Variants in PROS1 observed in about 807,000 individuals in gnomAD.
PROS1 encodes protein S.
In PROS1, 29 loss-of-function variants were observed where a neutral mutation model predicts 75.9. That is an observed-to-expected ratio of 0.38 (90% confidence interval 0.28 to 0.52). The LOEUF (loss-of-function observed/expected upper bound fraction) is 0.52. Ranked by LOEUF, PROS1 falls within the 20% of genes least tolerant of loss-of-function variation. The pLI, the probability that PROS1 is intolerant of heterozygous loss-of-function variation, is 0.83. For synonymous variants in PROS1, 245 were observed against 280.6 expected (o/e 0.87, Z 1.27); for missense variants, 680 against 810.3 (o/e 0.84, Z 1.95).
At chr3:93,956,550 ACACACACACACAAAC>A (rs1709604856) in intron 1 of PROS1, among the ~76,000 whole-genome samples, 3 of 79,630 alleles carry the variant, frequency 3.8e-5, no homozygotes, top group African/African-American at 1.1e-4. Flanking sequence ...ACACACACAC[ACACACACACACAAAC>A]ACACACACAC....
In PROS1 at chr3:93,941,286, T is replaced by A. The variant is rs1216257103; in HGVS notation, c.77-13879A>T. Among the ~76,000 whole-genome samples the A allele has an allele frequency of 2.0e-5, 3 of 152,300 alleles. No homozygotes were observed. In the East Asian group the frequency reaches 5.8e-4, roughly 29 times the overall value. Reference sequence around the variant, plus strand: ...CTGCTCCTTCAACATTTATTCTCCATGGGATATCAAGTATCTCCTTCCAAA... The same window carrying A: ...CTGCTCCTTCAACATTTATTCTCCAAGGGATATCAAGTATCTCCTTCCAAA... On this transcript the variant is annotated intron_variant, in intron 1 of 14. Transcript: ENST00000394236.
In PROS1 at chr3:93,873,209, A is replaced by G. The variant is rs1708132650; in HGVS notation, c.*1036T>C. On this transcript the variant is annotated 3_prime_UTR_variant, in exon 15 of 15. Coordinates refer to ENST00000394236, the MANE Select transcript of PROS1 (RefSeq NM_000313.4). ...TGAAACATCTGATACACATCTGGCT[A>G]TGAATGGTAGATTCAAACGTGATAA... 2 of 152,250 alleles carry G rather than the reference A, an allele frequency of 1.3e-5. No homozygotes were observed. Among genetic ancestry groups the G allele is most frequent in the South Asian group, 4.1e-4 (2 of 4,836 alleles). 9.4% of individuals were successfully genotyped at this position (152,250 alleles called of 1,614,324 possible).
chr3:93,905,909 T>C lies in PROS1; in HGVS notation c.476A>G (p.Asn159Ser). Residue 159 changes from asparagine (N) to serine (S), a missense_variant, in exon 6 of 15, where the codon AAT (asparagine) becomes AGT (serine). Coordinates refer to ENST00000394236, the MANE Select transcript of PROS1 (RefSeq NM_000313.4). ...TATATTTGAGGGATCTTTGCATTCA[T>C]TTATGTCTAAAACAGGAAAAAAATA... The part of the protein sequence containing the change: ...WQGEKCEFDI[N>S]ECKDPSNING... 6.2e-7 allele frequency: 1 copy of C among 1,613,432 alleles called. No individual in the cohort carries two copies.
rs181846855 is a variant in PROS1, at chr3:93,882,720, C to A, written c.1492+2008G>T. On this transcript the variant is annotated intron_variant, in intron 12 of 14. Transcript: ENST00000394236. ...GACACAAAGACAATTCATGCTCATT[C>A]ACAGGCTCTTCTCCACAGACCTTAC... 9.2e-5 allele frequency among the ~76,000 whole-genome samples: 14 copies of A among 152,270 alleles called. No individual in the cohort carries two copies. In the East Asian group the frequency reaches 2.7e-3, roughly 29 times the overall value.
intron 1 of PROS1, among the ~76,000 whole-genome samples, chr3:93,946,657 A>C (rs572433952): frequency 2.0e-5 from 3 of 152,250 alleles, no homozygotes; most frequent in Admixed American, 6.5e-5. Flanking sequence ...AATTTAATTC[A>C]AGATGGATTA....
intron 1 of PROS1, among the ~76,000 whole-genome samples, chr3:93,942,900 G>A (rs1411333054): frequency 6.6e-6 from 1 of 152,148 alleles, no homozygotes; most frequent in Admixed American, 6.5e-5. Flanking sequence ...GCCCAGGACT[G>A]GCAAATTGAC....
At chr3:93,886,808 A>G (rs1283346717) in intron 10 of PROS1, among the ~76,000 whole-genome samples, 3 of 152,318 alleles carry the variant, frequency 2.0e-5, no homozygotes, top group Middle Eastern at 3.4e-3. Flanking sequence ...CTGCTAGAAA[A>G]TTAACAATTA....
intron 10 of PROS1, among the ~76,000 whole-genome samples, chr3:93,887,942 G>A (rs910799187): frequency 1.6e-4 from 24 of 152,196 alleles, no homozygotes; most frequent in African/African-American, 5.5e-4. Context: ...TCTGCATTAT[G>A]TACATAGGCT....
intron 1 of PROS1, among the ~76,000 whole-genome samples, chr3:93,943,754 A>T (rs1249958765): frequency 6.6e-6 from 1 of 152,162 alleles, no homozygotes; most frequent in Admixed American, 6.5e-5. Context: ...AGATGGCCTG[A>T]AGCAAGTGAA....
At chr3:93,929,309 A>G (rs1018869648) in intron 1 of PROS1, among the ~76,000 whole-genome samples, 2 of 152,096 alleles carry the variant, frequency 1.3e-5, no homozygotes, top group African/African-American at 4.8e-5. Flanking sequence ...GAGACCCCAC[A>G]TCTCCAAAAA....
intron 8 of PROS1, among the ~76,000 whole-genome samples, chr3:93,898,001 A>G (rs1357733114): frequency 6.6e-6 from 1 of 152,082 alleles, no homozygotes; most frequent in Non-Finnish European, 1.5e-5. Flanking sequence ...GTACCCTCTG[A>G]AATTTTATGA....
intron 1 of PROS1, among the ~76,000 whole-genome samples, chr3:93,937,157 G>C (rs1435490528): frequency 6.6e-6 from 1 of 152,080 alleles, no homozygotes; most frequent in Admixed American, 6.5e-5. Flanking sequence ...CGAGCTCCCT[G>C]AGTGTACAGT....
chr3:93,906,410 C>A (rs1311171023), intron 4 of PROS1, among the ~76,000 whole-genome samples: 1 of 152,204 alleles, frequency 6.6e-6, no homozygotes, highest in African/African-American at 2.4e-5. Flanking sequence ...GGATGTGGGC[C>A]AGGGCCTCCC....
chr3:93,971,395 ATAAATAAT>A (rs1288365212), intron 1 of PROS1, among the ~76,000 whole-genome samples: 127 of 146,576 alleles, frequency 8.7e-4, no homozygotes, highest in Middle Eastern at 7.3e-3. Context: ...AAATAAATAA[ATAAATAAT>A]TCTAAATAAA....
chr3:93,878,608 G>C (rs1394020043), intron 13 of PROS1, among the ~76,000 whole-genome samples: 2 of 152,240 alleles, frequency 1.3e-5, no homozygotes, highest in South Asian at 4.1e-4. Flanking sequence ...TTCATCTAAG[G>C]CTTTTTCGTG....
At chr3:93,971,055 T>TTA (rs1289961523) in intron 1 of PROS1, among the ~76,000 whole-genome samples, 2 of 151,446 alleles carry the variant, frequency 1.3e-5, no homozygotes, top group African/African-American at 2.4e-5. Context: ...AAACAATGAA[T>TTA]TATAGGCTGG....
At chr3:93,944,488 A>G in intron 1 of PROS1, among the ~76,000 whole-genome samples, 1 of 152,224 alleles carries the variant, frequency 6.6e-6, no homozygotes, top group Non-Finnish European at 1.5e-5. Flanking sequence ...ACTAGAACTC[A>G]GGATTAAGAA....
At chr3:93,895,275 T>C (rs746906116) in intron 9 of PROS1, among the ~76,000 whole-genome samples, 1 of 152,220 alleles carries the variant, frequency 6.6e-6, no homozygotes, top group Admixed American at 6.5e-5. Context: ...GGAGGATCAA[T>C]TGTATTCCTA....
intron 1 of PROS1, among the ~76,000 whole-genome samples, chr3:93,956,733 C>T (rs1366587932): frequency 6.6e-6 from 1 of 152,070 alleles, no homozygotes; most frequent in African/African-American, 2.4e-5. Flanking sequence ...GCATTTTGGG[C>T]AAGTCTCACA....
Sources: allele counts gnomAD v4.1 joint callset (sites outside exome capture counted in the v4.1 genomes callset), GRCh38; gene constraint gnomAD v4.1.1; transcripts MANE v1.5; gene names NCBI Gene and HGNC (gene_info 2026-07-23, HGNC 2026-07-21).